ACOT7: variants seen among roughly 807,000 people sequenced by gnomAD.
ACOT7 encodes the protein cytosolic acyl coenzyme A thioester hydrolase.
In ACOT7, 12 loss-of-function variants were observed where a neutral mutation model predicts 40.2. The ratio of observed to expected loss-of-function variants is 0.30; its 90% CI spans 0.19 to 0.48. The LOEUF (loss-of-function observed/expected upper bound fraction) is 0.48, where lower values mean the gene tolerates loss of function less well. Ranked by LOEUF, ACOT7 falls within the 20% of genes least tolerant of loss-of-function variation. The pLI, the probability that ACOT7 is intolerant of heterozygous loss-of-function variation, is 0.99. For missense variants in ACOT7, 395 were observed against 530.8 expected (o/e 0.74, Z 2.51); for synonymous variants, 228 against 219.5 (o/e 1.04, Z -0.34).
In ACOT7 at chr1:6,300,628, C is replaced by T. The variant is rs1639943280; in HGVS notation, c.713-5648G>A. Among the ~76,000 whole-genome samples, 5 of 148,118 alleles carry T rather than the reference C, an allele frequency of 3.4e-5. 1 individual carries two copies. Among genetic ancestry groups the T allele is most frequent in the Admixed American group, 2.7e-4 (4 of 14,984 alleles). ...CACCGGACCCCACCCGATCCTGACG[C>T]GTGGCCGGCCTCTCTCCACAAACAC... On this transcript the variant is annotated intron_variant, in intron 6 of 8. Transcript: ENST00000361521.
chr1:6,385,900 A>G, intron 1 of ACOT7: 2 of 1,248,200 alleles, frequency 1.6e-6, no homozygotes, highest in East Asian at 5.4e-5. Context: ...CCAGTGATGC[A>G]AGGAATCCAT....
At chr1:6,370,330 C>G (rs1642104512) in intron 1 of ACOT7, among the ~76,000 whole-genome samples, 1 of 152,110 alleles carries the variant, frequency 6.6e-6, no homozygotes, top group East Asian at 1.9e-4. Flanking sequence ...AATTACCCAG[C>G]TTCGGGCATT....
chr1:6,327,517 A>G, intron 4 of ACOT7, 104 bp from the exon 5 acceptor site: 1 of 918,978 alleles, frequency 1.1e-6, no homozygotes, highest in Non-Finnish European at 1.7e-6. Context: ...AACTGGGACT[A>G]TTTTTTCTTC....
chr1:6,312,374 C>T (rs896282631), intron 6 of ACOT7, among the ~76,000 whole-genome samples: 1 of 152,076 alleles, frequency 6.6e-6, no homozygotes, highest in Admixed American at 6.5e-5. Context: ...AAGATAAATG[C>T]TTGAGGAAAT....
chr1:6,305,514 G>C (rs1211124960), intron 6 of ACOT7, among the ~76,000 whole-genome samples: 2 of 151,672 alleles, frequency 1.3e-5, no homozygotes, highest in Non-Finnish European at 2.9e-5. Context: ...TTCTCAGACG[G>C]GGCGGTTGCC....
Position 6,289,292 on chromosome 1 carries a change from G to A in ACOT7, c.829+5572C>T, listed in dbSNP as rs1284879414. Reference sequence around the variant, plus strand: ...TTTTTGTATTTTTAGTAGAGACGGGGTTTCACCATGTTGGCCAGGCTGGTC... The same window carrying A: ...TTTTTGTATTTTTAGTAGAGACGGGATTTCACCATGTTGGCCAGGCTGGTC... On this transcript the variant is annotated intron_variant, in intron 7 of 8. Transcript: ENST00000361521. The surrounding 1 kb of genome is among the most constrained non-coding windows in gnomAD (Gnocchi z 4.6). 6.6e-6 allele frequency among the ~76,000 whole-genome samples: 1 copy of A among 152,104 alleles called. No individual in the cohort carries two copies. Among genetic ancestry groups the A allele is most frequent in the East Asian group, 1.9e-4 (1 of 5,190 alleles).
intron 6 of ACOT7, among the ~76,000 whole-genome samples, chr1:6,296,051 C>T (rs989736367): frequency 6.6e-6 from 1 of 152,078 alleles, no homozygotes; most frequent in East Asian, 1.9e-4. Flanking sequence ...ATGACAGGCA[C>T]ATGTTACCAC....
Position 6,282,985 on chromosome 1 carries a change from A to G in ACOT7, c.830-1699T>C, listed in dbSNP as rs1291765837. 5 of 455,506 alleles carry G rather than the reference A, an allele frequency of 1.1e-5. No individual in the cohort carries two copies. The highest frequency in any genetic ancestry group is 1.0e-4 in the African/African-American group (5 of 49,664). 28.2% of individuals were successfully genotyped at this position (455,506 alleles called of 1,614,324 possible). On this transcript the variant is annotated intron_variant, in intron 7 of 8. Transcript: ENST00000361521. This position sits in a 1 kb window ranked among gnomAD's most constrained non-coding sequence, Gnocchi z 4.5. ...ACATCCCTCACCAACAATTGTGTAT[A>G]ACACTTGGGAGTCACAGGCCAAAAA...
intron 1 of ACOT7, among the ~76,000 whole-genome samples, chr1:6,392,241 C>A (rs1277131604): frequency 2.6e-5 from 4 of 152,198 alleles, no homozygotes; most frequent in African/African-American, 9.7e-5. Context: ...TGATGCCCAA[C>A]CCCCAAATGT....
At chr1:6,285,135 C>T (rs1469930707) in intron 7 of ACOT7, among the ~76,000 whole-genome samples, 1 of 152,196 alleles carries the variant, frequency 6.6e-6, no homozygotes, top group African/African-American at 2.4e-5. Flanking sequence ...AAGCAGGTAT[C>T]CAGTTGACAG....
chr1:6,283,551 T>C (rs1639416027), intron 7 of ACOT7, among the ~76,000 whole-genome samples: 1 of 152,258 alleles, frequency 6.6e-6, no homozygotes, highest in Admixed American at 6.5e-5. Flanking sequence ...CATGGCTTAA[T>C]TGCTGTGTTA....
At chr1:6,345,229 G>A (rs1159813463) in intron 2 of ACOT7, among the ~76,000 whole-genome samples, 2 of 152,254 alleles carry the variant, frequency 1.3e-5, no homozygotes, top group African/African-American at 2.4e-5. Context: ...CTGCCCGGAA[G>A]TGCCCTCTGC....
At chr1:6,331,747 T>TA (rs961602024) in intron 4 of ACOT7, among the ~76,000 whole-genome samples, 28 of 149,934 alleles carry the variant, frequency 1.9e-4, no homozygotes, top group African/African-American at 6.6e-4. Context: ...TCACCAAGAT[T>TA]AAAAAAAAAC....
chr1:6,330,340 G>T lies in ACOT7; in HGVS notation c.511-2927C>A, dbSNP rs1414417491. Reference sequence around the variant, plus strand: ...TTCTGGGATTCCTAAGCAGGCCTCTGGCCGGGCCCACCAGTGAAAAACAGG... The same window carrying T: ...TTCTGGGATTCCTAAGCAGGCCTCTTGCCGGGCCCACCAGTGAAAAACAGG... On this transcript the variant is annotated intron_variant, in intron 4 of 8. Coordinates refer to ENST00000361521, the MANE Select transcript of ACOT7 (RefSeq NM_007274.4). The surrounding 1 kb of genome is among the most constrained non-coding windows in gnomAD (Gnocchi z 4.6). Among the ~76,000 whole-genome samples, 1 of 152,134 alleles carries T rather than the reference G, an allele frequency of 6.6e-6. No individual in the cohort carries two copies. The highest frequency in any genetic ancestry group is 2.4e-5 in the African/African-American group (1 of 41,442).
chr1:6,322,555 T>C (rs1057228241), intron 5 of ACOT7, among the ~76,000 whole-genome samples: 2 of 152,022 alleles, frequency 1.3e-5, no homozygotes, highest in African/African-American at 4.8e-5. Flanking sequence ...CAGGTCAAGG[T>C]ATCAGCAGCT....
At chr1:6,385,564 A>T (rs993269089) in intron 1 of ACOT7, 6 of 1,611,836 alleles carry the variant, frequency 3.7e-6, no homozygotes, top group African/African-American at 1.3e-5. Context: ...GGAGCGCAGC[A>T]CCCTCGCCGG....
At chr1:6,381,788 G>A (rs1287335595) in intron 1 of ACOT7, among the ~76,000 whole-genome samples, 1 of 151,874 alleles carries the variant, frequency 6.6e-6, no homozygotes, top group Non-Finnish European at 1.5e-5. Flanking sequence ...ACAGATGATG[G>A]AATAAGCAAA....
chr1:6,286,658 G>A (rs1639512181), intron 7 of ACOT7, among the ~76,000 whole-genome samples: 1 of 152,198 alleles, frequency 6.6e-6, no homozygotes, highest in Admixed American at 6.5e-5. Flanking sequence ...AGAATGCAGG[G>A]GAGCAGCAGA....
chr1:6,374,809 GC>G (rs1025280966), intron 1 of ACOT7, among the ~76,000 whole-genome samples: 1 of 152,198 alleles, frequency 6.6e-6, no homozygotes, highest in African/African-American at 2.4e-5. Context: ...GCATCAGTGA[GC>G]CCCTAGGTCT....
Sources: gnomAD v4.1 joint callset for allele counts (sites outside exome capture counted in the v4.1 genomes callset) on GRCh38, gnomAD v4.1.1 for gene constraint, Gnocchi (gnomAD v3.1) non-coding constraint, MANE v1.5 for transcripts, NCBI Gene and HGNC (gene_info 2026-07-23, HGNC 2026-07-21) for gene names.